DLGAP5: variants seen among roughly 807,000 people sequenced by gnomAD.
DLGAP5 encodes DLG associated protein 5.
A neutral mutation model predicts 99.6 loss-of-function variants in DLGAP5; 90 were observed. The ratio of observed to expected loss-of-function variants is 0.90; its 90% confidence interval spans 0.76 to 1.08. The LOEUF is 1.08. Ranked by LOEUF, DLGAP5 falls within the 50% of genes least tolerant of loss-of-function variation. The pLI is 0.00. For missense variants in DLGAP5, 1,036 were observed against 983.5 expected (o/e 1.05, Z -0.71); for synonymous variants, 311 against 321.3 (o/e 0.97, Z 0.34).
chr14:55,154,633 T>G lies in DLGAP5; in HGVS notation c.2047A>C (p.Ser683Arg), dbSNP rs1882139691. The change falls in exon 15 of 19, where the codon AGT (serine) becomes CGT (arginine). Residue 683 changes from serine to arginine, a missense_variant. Coordinates refer to ENST00000247191, the MANE Select transcript of DLGAP5 (RefSeq NM_014750.5). ...SEHVKKTLFL[S>R]IPESRSSIED... ...AAGAAATACCTGCTTTCAGGAATACTCAAAAACAAAGTCTTCTTCACATGT... is the reference window on the plus strand; with the variant it reads ...AAGAAATACCTGCTTTCAGGAATACGCAAAAACAAAGTCTTCTTCACATGT... The G allele has an allele frequency of 3.1e-6, 5 of 1,614,022 alleles. No homozygotes were observed. The highest frequency in any genetic ancestry group is 4.2e-6 in the Non-Finnish European group (5 of 1,179,924).
chr14:55,170,666 A>C, intron 11 of DLGAP5, 36 bp downstream of exon 11: 2 of 1,539,298 alleles, frequency 1.3e-6, no homozygotes, highest in East Asian at 4.5e-5. Context: ...ATAGTAAAAG[A>C]AACAAAGCAA....
chr14:55,151,760 G>A lies in DLGAP5; in HGVS notation c.2303C>T (p.Pro768Leu). Residue 768 changes from proline (P) to leucine (L), a missense_variant, in exon 17 of 19, where the codon CCT becomes CTT. Transcript: ENST00000247191. ...ITSQDVLMSS[P>L]EKNTASQNSI... ...ATTTTGTGAAGCTGTATTTTTTTCAGGGCTACTCATCAAAACATCCTGTGA... is the reference window on the plus strand; with the variant it reads ...ATTTTGTGAAGCTGTATTTTTTTCAAGGCTACTCATCAAAACATCCTGTGA... 1 of 1,613,438 alleles carries A rather than the reference G, an allele frequency of 6.2e-7. No homozygotes were observed. Among genetic ancestry groups the A allele is most frequent in the Non-Finnish European group, 8.5e-7 (1 of 1,179,804 alleles).
At position 55,151,085 on chromosome 14, in the gene DLGAP5, A is replaced by G. The variant is rs115918062; in HGVS notation, c.2369-237T>C. On this transcript the variant is annotated intron_variant, in intron 17 of 18. Coordinates refer to ENST00000247191, the MANE Select transcript of DLGAP5 (RefSeq NM_014750.5). ...TTGTAACATTAAAGGTACCCAGAAA[A>G]TGCTGATGAAGAACAGCTGGAGGAC... Among the ~76,000 whole-genome samples, 1,323 of 152,332 alleles carry G rather than the reference A, an allele frequency of 8.7e-3. 20 individuals are homozygous for G. Among genetic ancestry groups the G allele is most frequent in the African/African-American group, 0.029 (1,217 of 41,574 alleles).
At chr14:55,186,271 C>G (rs542600237) in intron 2 of DLGAP5, among the ~76,000 whole-genome samples, 7 of 152,164 alleles carry the variant, frequency 4.6e-5, no homozygotes, top group African/African-American at 1.7e-4. Context: ...AACTCCGTCT[C>G]AAAAAATAAA....
At chr14:55,159,865 T>C (rs1386649059) in intron 13 of DLGAP5, among the ~76,000 whole-genome samples, 1 of 152,010 alleles carries the variant, frequency 6.6e-6, no homozygotes, top group Non-Finnish European at 1.5e-5. Context: ...AATATGCAAA[T>C]ATGACTGAAG....
intron 12 of DLGAP5, 70 bp from the exon 13 acceptor site, chr14:55,163,145 A>C: frequency 1.1e-6 from 1 of 886,596 alleles, no homozygotes; most frequent in Non-Finnish European, 1.6e-6. Flanking sequence ...TGAGCTGAAG[A>C]CTAAAAAAAA....
intron 7 of DLGAP5, among the ~76,000 whole-genome samples, chr14:55,177,694 C>T (rs1390960976): frequency 2.6e-5 from 4 of 151,706 alleles, no homozygotes; most frequent in Admixed American, 6.6e-5. Context: ...CCCGCCACCA[C>T]GCCCGGCTAA....
At chr14:55,183,530 T>C in intron 3 of DLGAP5, 30 bp downstream of exon 3, 2 of 1,481,538 alleles carry the variant, frequency 1.3e-6, no homozygotes, top group Non-Finnish European at 1.8e-6. Context: ...TAAAAGAAAC[T>C]ATTCCTTTAT....
At chr14:55,153,196 G>T (rs1594661746) in intron 15 of DLGAP5, among the ~76,000 whole-genome samples, 1 of 152,142 alleles carries the variant, frequency 6.6e-6, no homozygotes, top group Admixed American at 6.6e-5. Context: ...CAATAATTGA[G>T]TTAGAATACA....
chr14:55,169,294 T>G, intron 12 of DLGAP5, 105 bp downstream of exon 12: 1 of 673,358 alleles, frequency 1.5e-6, no homozygotes, highest in South Asian at 4.4e-5. Context: ...TTATTTAATA[T>G]TACAGGTACA....
Position 55,177,194 on chromosome 14 carries a change from G to A in DLGAP5, c.917C>T (p.Ser306Phe). The A allele has an allele frequency of 3.7e-6, 6 of 1,613,678 alleles. No individual in the cohort carries two copies. Among genetic ancestry groups the A allele is most frequent in the Non-Finnish European group, 5.1e-6 (6 of 1,179,912 alleles). ...AAACATAAAATCCTTAGGTGCAAAGGAATTCTTCCCTTTTATTTTTGCAGT... is the reference window on the plus strand; with the variant it reads ...AAACATAAAATCCTTAGGTGCAAAGAAATTCTTCCCTTTTATTTTTGCAGT... ...INTAKIKGKN[S>F]FAPKDFMFQP... is the part of the protein sequence containing the mutation. The change falls in exon 8 of 19, where the codon TCC becomes TTC. Residue 306 changes from serine (S) to phenylalanine (F), a missense_variant. Ser to Phe is a radical substitution (Grantham distance 155). Coordinates refer to ENST00000247191, the MANE Select transcript of DLGAP5 (RefSeq NM_014750.5).
intron 2 of DLGAP5, among the ~76,000 whole-genome samples, chr14:55,184,314 TTTC>T (rs1256815525): frequency 3.9e-5 from 6 of 152,328 alleles, no homozygotes; most frequent in African/African-American, 1.4e-4. Context: ...GCTTTTAATA[TTTC>T]TTGTTAATTC....
chr14:55,170,854 A>AC, intron 10 of DLGAP5, 67 bp from the exon 11 acceptor site: 1 of 1,070,136 alleles, frequency 9.3e-7, no homozygotes, highest in Admixed American at 1.7e-5. Context: ...TATTAGCATA[A>AC]CATCATGATA....
intron 10 of DLGAP5, among the ~76,000 whole-genome samples, chr14:55,173,282 A>AC (rs1235799882): frequency 7.8e-6 from 1 of 128,700 alleles, no homozygotes; most frequent in African/African-American, 4.9e-5. Flanking sequence ...CAAAAAAAAA[A>AC]AAAAACAAAA....
chr14:55,168,608 C>T (rs1247998976), intron 12 of DLGAP5, among the ~76,000 whole-genome samples: 1 of 152,160 alleles, frequency 6.6e-6, no homozygotes. Context: ...CTAGTAACTT[C>T]TTCTATCACA....
At chr14:55,154,421 A>G (rs1380583874) in intron 15 of DLGAP5, among the ~76,000 whole-genome samples, 196 bp downstream of exon 15, 1 of 152,180 alleles carries the variant, frequency 6.6e-6, no homozygotes, top group East Asian at 1.9e-4. Flanking sequence ...TACCCAACTA[A>G]ACGTGACCAT....
chr14:55,165,592 G>A (rs558141850), intron 12 of DLGAP5, among the ~76,000 whole-genome samples: 1 of 151,984 alleles, frequency 6.6e-6, no homozygotes, highest in African/African-American at 2.4e-5. Flanking sequence ...GGATGGCTAT[G>A]CAACAATTCC....
chr14:55,175,900 G>A lies in DLGAP5; in HGVS notation c.1168C>T (p.His390Tyr). 6.3e-7 allele frequency: 1 copy of A among 1,591,808 alleles called. No individual in the cohort carries two copies. Among genetic ancestry groups the A allele is most frequent in the Non-Finnish European group, 8.6e-7 (1 of 1,167,392 alleles). ...PCPLGPLTVW[H>Y]EEHVLNKNEA... The stretch of plus-strand genomic sequence containing the variant: ...AATTAATTAAATACTATACCTTCAT[G>A]CCAAACAGTTAGAGGACCCAAAGGA... Residue 390 changes from histidine (H) to tyrosine (Y), a missense_variant, in exon 9 of 19, where the codon CAT (histidine) becomes TAT (tyrosine). Transcript: ENST00000247191.
At chr14:55,185,958 G>A (rs1018739284) in intron 2 of DLGAP5, among the ~76,000 whole-genome samples, 2 of 152,172 alleles carry the variant, frequency 1.3e-5, no homozygotes, top group Admixed American at 1.3e-4. Context: ...AAATACTTTA[G>A]TATATACTTC....
Sources: allele counts gnomAD v4.1 joint callset (sites outside exome capture counted in the v4.1 genomes callset), GRCh38; gene constraint gnomAD v4.1.1; transcripts MANE v1.5; gene names NCBI Gene and HGNC (gene_info 2026-07-23, HGNC 2026-07-21).